The following PRSS23 variants were observed in gnomAD, a reference collection of about 807,000 sequenced individuals.
PRSS23 encodes the protein protease, serine 23.
PRSS23 carries 25 observed loss-of-function variants against 34.7 expected under a neutral mutation model. That is an observed-to-expected ratio of 0.72 (90% confidence interval 0.53 to 1.01). The LOEUF is 1.01. PRSS23 is among the 50% of genes least tolerant of loss of function. The probability of loss-of-function intolerance (pLI) is 0.00; values close to 1 mark genes in which losing one functional copy is unlikely to be tolerated. For synonymous variants in PRSS23, 176 were observed against 186.6 expected (o/e 0.94, Z 0.46); for missense variants, 445 against 475.6 (o/e 0.94, Z 0.60).
intron 2 of PRSS23, among the ~76,000 whole-genome samples, chr11:86,915,892 A>C (rs1663199768): frequency 6.6e-6 from 1 of 152,044 alleles, no homozygotes; most frequent in African/African-American, 2.4e-5. Flanking sequence ...CTCTACTAAA[A>C]AAATACAAAA....
intron 2 of PRSS23, among the ~76,000 whole-genome samples, chr11:86,913,182 G>T (rs565005751): frequency 6.6e-6 from 1 of 150,468 alleles, no homozygotes; most frequent in African/African-American, 2.4e-5. Flanking sequence ...TAGTTACCCT[G>T]AATGCTTCCC....
upstream of PRSS23, chr11:86,800,317 C>T (rs897078232): frequency 2.2e-5 from 9 of 402,970 alleles, no homozygotes; most frequent in Non-Finnish European, 2.7e-5. Flanking sequence ...ACTGCTGCCG[C>T]GCCACCGGGG....
chr11:86,799,974 G>C (rs1433871972), upstream of PRSS23, among the ~76,000 whole-genome samples: 1 of 152,324 alleles, frequency 6.6e-6, no homozygotes, highest in African/African-American at 2.4e-5. Context: ...CTAGGAGTTC[G>C]GTCAGCACCT....
chr11:86,879,831 AG>A (rs1948759862), intron 2 of PRSS23, among the ~76,000 whole-genome samples: 1 of 107,706 alleles, frequency 9.3e-6, no homozygotes, highest in Non-Finnish European at 2.0e-5. Context: ...GGGGGGGGTC[AG>A]CCCCCCGCCC....
chr11:86,923,230 C>T (rs1949058393), intron 2 of PRSS23, among the ~76,000 whole-genome samples: 1 of 150,990 alleles, frequency 6.6e-6, no homozygotes, highest in African/African-American at 2.4e-5. Flanking sequence ...CTCAAGTGAG[C>T]CTTCCACCTC....
chr11:86,821,476 T>G, intron 1 of PRSS23: 1 of 1,610,122 alleles, frequency 6.2e-7, no homozygotes. Flanking sequence ...CAGGACACTC[T>G]TTCAGAGCTT....
intron 2 of PRSS23, among the ~76,000 whole-genome samples, chr11:86,902,534 T>C (rs1202954082): frequency 6.6e-6 from 1 of 152,170 alleles, no homozygotes; most frequent in African/African-American, 2.4e-5. Flanking sequence ...CCCTAGAAAT[T>C]GGATAATTGG....
At chr11:86,797,390 GC>G (rs1227538361), upstream of PRSS23, among the ~76,000 whole-genome samples, 1 of 152,198 alleles carries the variant, frequency 6.6e-6, no homozygotes, top group East Asian at 1.9e-4. Flanking sequence ...CAACCTAACA[GC>G]CAGGAAGTAG....
intron 2 of PRSS23, among the ~76,000 whole-genome samples, chr11:86,939,958 T>C (rs1949196381): frequency 6.6e-6 from 1 of 152,190 alleles, no homozygotes; most frequent in Non-Finnish European, 1.5e-5. Context: ...AAGAAAACTG[T>C]GTCAAGAAAC....
At chr11:86,930,831 T>C (rs10792885) in intron 2 of PRSS23, among the ~76,000 whole-genome samples, 94,219 of 147,158 alleles carry the variant, frequency 0.64, 29,951 homozygotes, top group Non-Finnish European at 0.71. Context: ...AAAAGGGACC[T>C]CACGTACAAA....
intron 1 of PRSS23, among the ~76,000 whole-genome samples, chr11:86,794,310 T>C (rs1947968030): frequency 1.3e-5 from 2 of 152,202 alleles, no homozygotes; most frequent in Non-Finnish European, 2.9e-5. Flanking sequence ...AGCCCCATGC[T>C]GGCCACTTCA....
intron 2 of PRSS23, chr11:86,945,932 G>A (rs1351131218): frequency 6.6e-6 from 1 of 152,540 alleles, no homozygotes; most frequent in Non-Finnish European, 1.5e-5. Context: ...GGAGCTGTGG[G>A]GTGGCATGAG....
At chr11:86,841,437 A>G (rs548814223) in intron 2 of PRSS23, among the ~76,000 whole-genome samples, 3 of 152,172 alleles carry the variant, frequency 2.0e-5, no homozygotes, top group Non-Finnish European at 4.4e-5. Flanking sequence ...AAATAAGTTC[A>G]GAGCAGAACT....
At chr11:86,873,786 T>A (rs1266864661) in intron 2 of PRSS23, among the ~76,000 whole-genome samples, 2 of 152,124 alleles carry the variant, frequency 1.3e-5, no homozygotes, top group Non-Finnish European at 2.9e-5. Flanking sequence ...AGCCAATCTG[T>A]AGAGCAAGAG....
chr11:86,874,991 G>A (rs1470892489), intron 2 of PRSS23, among the ~76,000 whole-genome samples: 1 of 152,146 alleles, frequency 6.6e-6, no homozygotes, highest in African/African-American at 2.4e-5. Flanking sequence ...ACTGCATCAG[G>A]GTAGTTGGAT....
chr11:86,818,146 C>A (rs1948226797), intron 1 of PRSS23, among the ~76,000 whole-genome samples: 1 of 152,112 alleles, frequency 6.6e-6, no homozygotes, highest in Admixed American at 6.5e-5. Context: ...AGAGAAGATA[C>A]ACCAGAAAAA....
chr11:86,823,645 C>A, intron 2 of PRSS23: 2 of 694,060 alleles, frequency 2.9e-6, no homozygotes. Flanking sequence ...GTGCTTAAAT[C>A]TTTTCATGTT....
chr11:86,794,571 G>T (rs1272322776), intron 1 of PRSS23, among the ~76,000 whole-genome samples: 1 of 151,902 alleles, frequency 6.6e-6, no homozygotes, highest in Non-Finnish European at 1.5e-5. Context: ...CAATAATTTT[G>T]TATGTTAAGC....
chr11:86,825,501 A>T lies in PRSS23; in HGVS notation c.206+1908A>T, dbSNP rs560018119. Among the ~76,000 whole-genome samples, 725 of 151,828 alleles carry T rather than the reference A, an allele frequency of 4.8e-3. 1 individual carries two copies. The highest frequency in any genetic ancestry group is 0.01 in the Middle Eastern group (3 of 294). On this transcript the variant is annotated intron_variant, in intron 2 of 2. Coordinates refer to the PRSS23 transcript ENST00000533902. ...TTAGTTTAATTAGATCCCATTTGTC[A>T]ATTTTGTCTTTTGTTGCCACTGCTT...
Sources: gnomAD v4.1 joint callset for allele counts (sites outside exome capture counted in the v4.1 genomes callset) on GRCh38, gnomAD v4.1.1 for gene constraint, MANE v1.5 for transcripts, NCBI Gene and HGNC (gene_info 2026-07-23, HGNC 2026-07-21) for gene names.